Variants in MDGA2 observed in about 807,000 individuals in gnomAD.
MDGA2 encodes MAM domain containing glycosylphosphatidylinositol anchor 2.
In MDGA2, 40 loss-of-function variants were observed where a neutral mutation model predicts 117.8. The ratio of observed to expected loss-of-function variants is 0.34; its 90% CI spans 0.26 to 0.44. The LOEUF (loss-of-function observed/expected upper bound fraction) is 0.44. Ranked by LOEUF, MDGA2 falls within the 20% of genes least tolerant of loss-of-function variation. The pLI is 1.00. For synonymous variants in MDGA2, 452 were observed against 439.0 expected (o/e 1.03, Z -0.37); for missense variants, 1,123 against 1,250.6 (o/e 0.90, Z 1.54).
At position 47,627,878 on chromosome 14, in the gene MDGA2, G is replaced by A. The variant is rs537271647; in HGVS notation, c.280+46639C>T. On this transcript the variant is annotated intron_variant, in intron 1 of 16. Coordinates refer to ENST00000399232, the MANE Select transcript of MDGA2 (RefSeq NM_001113498.3). ...TTCACGCCTGAGCCAGCAAGACCAC[G>A]AACCCACCAGAAGGAAGAAACTCCG... Among the ~76,000 whole-genome samples the A allele has an allele frequency of 7.9e-5, 12 of 152,248 alleles. No individual in the cohort carries two copies. In the East Asian group the frequency reaches 1.9e-3, roughly 25 times the overall value.
chr14:47,286,835 A>ATATGTG (rs1454579166), intron 2 of MDGA2, among the ~76,000 whole-genome samples: 30 of 117,496 alleles, frequency 2.6e-4, no homozygotes, highest in African/African-American at 8.0e-4. Flanking sequence ...ACATATATAT[A>ATATGTG]TGTATATATA....
At chr14:47,421,709 T>G (rs1892583288) in intron 1 of MDGA2, among the ~76,000 whole-genome samples, 1 of 152,140 alleles carries the variant, frequency 6.6e-6, no homozygotes, top group Admixed American at 6.6e-5. Flanking sequence ...AAATCAAATT[T>G]AAAAGAAACC....
chr14:47,622,037 A>G (rs1313923416), intron 1 of MDGA2, among the ~76,000 whole-genome samples: 1 of 152,234 alleles, frequency 6.6e-6, no homozygotes, highest in East Asian at 1.9e-4. Flanking sequence ...TATTAAATTC[A>G]TATGAGCTAT....
At chr14:47,213,648 C>T (rs1885967945) in intron 3 of MDGA2, among the ~76,000 whole-genome samples, 2 of 151,922 alleles carry the variant, frequency 1.3e-5, no homozygotes, top group South Asian at 4.2e-4. Flanking sequence ...AGCCCTTCTG[C>T]TGATTTTTAT....
intron 1 of MDGA2, among the ~76,000 whole-genome samples, chr14:47,478,591 G>T (rs528907956): frequency 6.6e-6 from 1 of 152,052 alleles, no homozygotes; most frequent in Non-Finnish European, 1.5e-5. Flanking sequence ...GCCCAGGCTG[G>T]TCTCAAACTC....
At chr14:47,578,964 G>A (rs894385002) in intron 1 of MDGA2, among the ~76,000 whole-genome samples, 1 of 152,042 alleles carries the variant, frequency 6.6e-6, no homozygotes, top group Non-Finnish European at 1.5e-5. Flanking sequence ...CAAAGTATAT[G>A]AATATCTTAC....
chr14:47,376,894 A>G (rs944128026), intron 1 of MDGA2, among the ~76,000 whole-genome samples: 2 of 152,210 alleles, frequency 1.3e-5, no homozygotes, highest in African/African-American at 4.8e-5. Flanking sequence ...GATTAATTAC[A>G]AACAATTGAA....
At chr14:46,865,020 A>G (rs539341325) in intron 14 of MDGA2, among the ~76,000 whole-genome samples, 1 of 150,672 alleles carries the variant, frequency 6.6e-6, no homozygotes, top group Non-Finnish European at 1.5e-5. Flanking sequence ...ACTCCAAGGG[A>G]AAAAAAATCC....
At chr14:47,459,526 C>T (rs1178830928) in intron 1 of MDGA2, among the ~76,000 whole-genome samples, 1 of 144,322 alleles carries the variant, frequency 6.9e-6, no homozygotes, top group Non-Finnish European at 1.5e-5. Context: ...CTCTCTTCCT[C>T]CCTCCCTTCT....
chr14:46,912,406 C>A (rs1468247576), intron 10 of MDGA2, among the ~76,000 whole-genome samples: 1 of 152,202 alleles, frequency 6.6e-6, no homozygotes, highest in Non-Finnish European at 1.5e-5. Context: ...CCTTCAGTTT[C>A]ATATCTAATG....
chr14:46,855,112 ATTG>A lies in MDGA2; in HGVS notation c.2792_2794del (p.Thr931del), dbSNP rs780341639. 63 of 1,610,870 alleles carry A rather than the reference ATTG, an allele frequency of 3.9e-5. No individual in the cohort carries two copies. The highest frequency in any genetic ancestry group is 5.3e-5 in the Non-Finnish European group (63 of 1,178,310). On this transcript the variant is annotated inframe_deletion, in exon 15 of 17. Coordinates refer to ENST00000399232, the MANE Select transcript of MDGA2 (RefSeq NM_001113498.3). The surrounding 1 kb of genome is among the most constrained non-coding windows in gnomAD (Gnocchi z 4.1). ...ACTTGAAGACCACAGTGGATTCTCT[ATTG>A]TTGTTTGCCCTTTCAAACGTAGATA... is the stretch of plus-strand genomic sequence containing the variant.
At chr14:46,917,242 G>T (rs915009207) in intron 10 of MDGA2, among the ~76,000 whole-genome samples, 1 of 152,164 alleles carries the variant, frequency 6.6e-6, no homozygotes, top group Admixed American at 6.5e-5. Context: ...CTTAGGCTTA[G>T]AATAAAACTC....
chr14:47,357,272 C>G (rs528206991), intron 1 of MDGA2, among the ~76,000 whole-genome samples: 16 of 152,338 alleles, frequency 1.1e-4, no homozygotes, highest in African/African-American at 3.6e-4. Flanking sequence ...TTGTCAGACA[C>G]CAGACTTGCT....
At chr14:47,471,817 T>C (rs1893734400) in intron 1 of MDGA2, among the ~76,000 whole-genome samples, 1 of 152,056 alleles carries the variant, frequency 6.6e-6, no homozygotes, top group African/African-American at 2.4e-5. Context: ...CAATTTTATA[T>C]AATAATAATA....
intron 1 of MDGA2, among the ~76,000 whole-genome samples, chr14:47,519,241 C>T (rs1040803905): frequency 1.3e-5 from 2 of 152,020 alleles, no homozygotes; most frequent in Non-Finnish European, 1.5e-5. Context: ...ATAAAAAACA[C>T]TACCAATTAA....
chr14:46,866,297 T>C (rs1881757269), intron 14 of MDGA2, among the ~76,000 whole-genome samples: 1 of 152,144 alleles, frequency 6.6e-6, no homozygotes, highest in South Asian at 2.1e-4. Flanking sequence ...GGGGAAAGGA[T>C]TCCCTATTTA....
intron 10 of MDGA2, among the ~76,000 whole-genome samples, chr14:46,911,508 T>C (rs8019784): frequency 0.48 from 72,413 of 152,096 alleles, 18,062 homozygotes; most frequent in South Asian, 0.58. Flanking sequence ...CATGTAAAGA[T>C]GTGGATGACT....
chr14:47,117,571 GA>G lies in MDGA2; in HGVS notation c.925+14142del, dbSNP rs1461597895. On this transcript the variant is annotated intron_variant, in intron 5 of 16. Coordinates refer to ENST00000399232, the MANE Select transcript of MDGA2 (RefSeq NM_001113498.3). The stretch of plus-strand genomic sequence containing the variant: ...CATATAATGGAATATTATTTGGCCT[GA>G]AAAAATAAGCAAAGTCTGCAATATG... 5.9e-5 allele frequency among the ~76,000 whole-genome samples: 9 copies of G among 152,224 alleles called. 1 individual carries two copies. The South Asian group carries it at 1.9e-3, about 32-fold the overall frequency.
chr14:47,169,548 TAAG>T (rs1400292330), intron 3 of MDGA2, among the ~76,000 whole-genome samples: 2 of 151,908 alleles, frequency 1.3e-5, no homozygotes, highest in African/African-American at 4.8e-5. Flanking sequence ...GTAATTTTGC[TAAG>T]AATTTCCAAA....
Sources: gnomAD v4.1 joint callset for allele counts (sites outside exome capture counted in the v4.1 genomes callset) on GRCh38, gnomAD v4.1.1 for gene constraint, Gnocchi (gnomAD v3.1) non-coding constraint, MANE v1.5 for transcripts, NCBI Gene and HGNC (gene_info 2026-07-23, HGNC 2026-07-21) for gene names.